Variants in ITGA9 observed in about 807,000 individuals in gnomAD.
The protein encoded by ITGA9 is integrin subunit alpha 9.
Under a neutral mutation model 127.8 loss-of-function variants are expected in ITGA9, and 56 were observed. The observed-to-expected ratio is 0.44, with a 90% CI of 0.35 to 0.55. The LOEUF is 0.55. Among genes scored for constraint, ITGA9 ranks in the 20% least tolerant of loss-of-function variants. The probability of loss-of-function intolerance (pLI) is 0.00; values close to 1 mark genes in which losing one functional copy is unlikely to be tolerated. For missense variants in ITGA9, 1,196 were observed against 1,347.1 expected (o/e 0.89, Z 1.76); for synonymous variants, 508 against 514.5 (o/e 0.99, Z 0.17).
chr3:37,472,425 G>A (rs1698442549), intron 2 of ITGA9, among the ~76,000 whole-genome samples: 1 of 152,168 alleles, frequency 6.6e-6, no homozygotes, highest in Non-Finnish European at 1.5e-5. Flanking sequence ...TTGAGACAGA[G>A]TCTTGCTGTG....
chr3:37,487,149 A>G (rs1389348974), intron 4 of ITGA9, among the ~76,000 whole-genome samples: 1 of 152,242 alleles, frequency 6.6e-6, no homozygotes, highest in Non-Finnish European at 1.5e-5. Context: ...AAATTCAAGA[A>G]CAAGCCTCAT....
chr3:37,650,817 GT>G (rs34657435), intron 16 of ITGA9, among the ~76,000 whole-genome samples: 39,003 of 151,950 alleles, frequency 0.26, 5,447 homozygotes, highest in African/African-American at 0.38. Context: ...ATTTGCCAAT[GT>G]TAAATAGTGA....
Position 37,591,518 on chromosome 3 carries a change from G to A in ITGA9, c.1690-37669G>A, listed in dbSNP as rs1699818229. Among the ~76,000 whole-genome samples the A allele has an allele frequency of 2.0e-5, 3 of 152,198 alleles. 1 individual carries two copies. The highest frequency in any genetic ancestry group is 6.3e-3 in the Middle Eastern group (2 of 316). On this transcript the variant is annotated intron_variant, in intron 15 of 27. Transcript: ENST00000264741. ...TGGAGTGATAGAGAAGGAGTTGGCA[G>A]CATTTAGAATGGAGTCAGGAGGAAG...
intron 15 of ITGA9, among the ~76,000 whole-genome samples, chr3:37,625,600 T>C (rs1430781377): frequency 6.6e-6 from 1 of 152,204 alleles, no homozygotes; most frequent in Non-Finnish European, 1.5e-5. Context: ...ATTTTCAGTT[T>C]GTAGCGTTAT....
chr3:37,675,389 T>C (rs2886141), intron 17 of ITGA9, among the ~76,000 whole-genome samples: 88,959 of 151,978 alleles, frequency 0.59, 26,766 homozygotes, highest in African/African-American at 0.73. Flanking sequence ...CCTTCTGTGT[T>C]TCACTCTACC....
intron 15 of ITGA9, among the ~76,000 whole-genome samples, chr3:37,553,551 T>C (rs1559535036): frequency 6.6e-6 from 1 of 152,246 alleles, no homozygotes; most frequent in African/African-American, 2.4e-5. Flanking sequence ...TAAAAACATA[T>C]ACATCCAACA....
chr3:37,474,129 T>G (rs1294862503), intron 3 of ITGA9, among the ~76,000 whole-genome samples: 1 of 152,214 alleles, frequency 6.6e-6, no homozygotes, highest in Non-Finnish European at 1.5e-5. Context: ...TTATCGGACC[T>G]CCAAAGCACC....
chr3:37,736,833 C>G, intron 19 of ITGA9, 71 bp from the exon 20 acceptor site: 3 of 988,278 alleles, frequency 3.0e-6, no homozygotes, highest in Non-Finnish European at 4.9e-6. Flanking sequence ...TCATAAACTG[C>G]AGAAGATGGA....
intron 15 of ITGA9, among the ~76,000 whole-genome samples, chr3:37,580,451 G>A (rs539152182): frequency 3.9e-4 from 60 of 152,288 alleles, no homozygotes; most frequent in African/African-American, 1.4e-3. Context: ...CACTTTGTCC[G>A]CTAAGTCTTG....
At chr3:37,735,569 A>T (rs1696349465) in intron 19 of ITGA9, among the ~76,000 whole-genome samples, 1 of 152,246 alleles carries the variant, frequency 6.6e-6, no homozygotes, top group South Asian at 2.1e-4. Context: ...GATGAAATTT[A>T]AGAACCGTTT....
intron 5 of ITGA9, among the ~76,000 whole-genome samples, chr3:37,500,598 G>C (rs1553642582): frequency 6.6e-6 from 1 of 151,908 alleles, no homozygotes; most frequent in Admixed American, 6.6e-5. Flanking sequence ...TTTTTCTTTA[G>C]GTACTTCTGG....
Position 37,509,475 on chromosome 3 carries a change from A to T in ITGA9, c.897+848A>T, listed in dbSNP as rs917924331. 7.2e-5 allele frequency among the ~76,000 whole-genome samples: 11 copies of T among 152,070 alleles called. 1 individual carries two copies. Among genetic ancestry groups the T allele is most frequent in the Admixed American group, 6.5e-4 (10 of 15,274 alleles). Reference sequence around the variant, plus strand: ...GCCTTAGTGGGATCTGGGAAGAAGCATAGGATGTCTGGGACATGGGAGGAG... The same window carrying T: ...GCCTTAGTGGGATCTGGGAAGAAGCTTAGGATGTCTGGGACATGGGAGGAG... On this transcript the variant is annotated intron_variant, in intron 8 of 27. Transcript: ENST00000264741.
At position 37,736,919 on chromosome 3, in the gene ITGA9, A is replaced by T. The variant is rs754528530; in HGVS notation, c.2170A>T (p.Ile724Phe). ...TTTTCACTAGTATGAATTCAGCGTGATCTTTGATACAAGCCACCTGTCTGG... is the reference window on the plus strand; with the variant it reads ...TTTTCACTAGTATGAATTCAGCGTGTTCTTTGATACAAGCCACCTGTCTGG... ...RSKSKYEFSV[I>F]FDTSHLSGEE... Residue 724 changes from isoleucine to phenylalanine, a missense_variant, in exon 20 of 28, where the codon ATC becomes TTC. Physicochemically the swap from Ile to Phe is conservative, Grantham distance 21. Coordinates refer to ENST00000264741, the MANE Select transcript of ITGA9 (RefSeq NM_002207.3). 25 of 1,612,750 alleles carry T rather than the reference A, an allele frequency of 1.6e-5. No individual in the cohort carries two copies. In the Admixed American group the frequency reaches 3.0e-4, roughly 19 times the overall value.
chr3:37,687,025 A>G (rs1404116225), intron 18 of ITGA9, among the ~76,000 whole-genome samples: 1 of 152,212 alleles, frequency 6.6e-6, no homozygotes, highest in Non-Finnish European at 1.5e-5. Context: ...AAACTAAGAA[A>G]AGCATGACTA....
At chr3:37,567,593 A>G (rs955446535) in intron 15 of ITGA9, among the ~76,000 whole-genome samples, 4 of 152,220 alleles carry the variant, frequency 2.6e-5, no homozygotes, top group African/African-American at 9.6e-5. Context: ...TAAAATTAAA[A>G]GCAAGTTAGT....
chr3:37,739,899 G>A (rs1282893720), intron 20 of ITGA9, among the ~76,000 whole-genome samples: 3 of 152,190 alleles, frequency 2.0e-5, no homozygotes, highest in Non-Finnish European at 4.4e-5. Context: ...TGATCCCAAG[G>A]CTTTTGTCAC....
chr3:37,628,306 C>G (rs1182145732), intron 15 of ITGA9, among the ~76,000 whole-genome samples: 2 of 152,144 alleles, frequency 1.3e-5, no homozygotes. Flanking sequence ...GTGGGACCAC[C>G]TACCAGCTTT....
At chr3:37,556,569 C>A (rs565668031) in intron 15 of ITGA9, among the ~76,000 whole-genome samples, 41 of 152,182 alleles carry the variant, frequency 2.7e-4, no homozygotes, top group Non-Finnish European at 4.7e-4. Flanking sequence ...GGACTCCTCA[C>A]GTTAGCGTGC....
At chr3:37,678,192 A>G (rs554299167) in intron 17 of ITGA9, among the ~76,000 whole-genome samples, 2 of 152,326 alleles carry the variant, frequency 1.3e-5, no homozygotes, top group African/African-American at 4.8e-5. Flanking sequence ...TAAACCCAAA[A>G]GTATAATTTT....
Sources: allele counts gnomAD v4.1 joint callset (sites outside exome capture counted in the v4.1 genomes callset), GRCh38; gene constraint gnomAD v4.1.1; transcripts MANE v1.5; gene names NCBI Gene and HGNC (gene_info 2026-07-23, HGNC 2026-07-21).